The following ATAD2B variants were observed in gnomAD, a reference collection of about 807,000 sequenced individuals.
ATAD2B encodes the protein ATPase family AAA domain-containing protein 2B.
ATAD2B carries 40 observed loss-of-function variants against 167.6 expected under a neutral mutation model. That is an observed-to-expected ratio of 0.24 (90% CI 0.19 to 0.31). ATAD2B has a LOEUF of 0.31. Ranked by LOEUF, ATAD2B falls within the 10% of genes least tolerant of loss-of-function variation. ATAD2B has a pLI of 1.00. For synonymous variants in ATAD2B, 579 were observed against 596.5 expected (o/e 0.97, Z 0.43); for missense variants, 1,242 against 1,757.2 (o/e 0.71, Z 5.24).
chr2:23,757,364 C>T (rs1254280156), intron 25 of ATAD2B, 54 bp downstream of exon 25: 2 of 1,313,288 alleles, frequency 1.5e-6, no homozygotes, highest in Non-Finnish European at 2.1e-6. Context: ...AAATACACAA[C>T]GAATTAACTC....
intron 19 of ATAD2B, 148 bp from the exon 20 acceptor site, chr2:23,788,795 G>A (rs947702968): frequency 1.4e-6 from 1 of 691,660 alleles, no homozygotes; most frequent in African/African-American, 1.8e-5. Flanking sequence ...CTAGTCCTAG[G>A]CTATGCTGTT....
chr2:23,800,988 T>C (rs1044447152), intron 18 of ATAD2B, among the ~76,000 whole-genome samples: 6 of 152,140 alleles, frequency 3.9e-5, no homozygotes, highest in African/African-American at 1.2e-4. Flanking sequence ...AATATTTTTG[T>C]AATTTTTCTC....
intron 1 of ATAD2B, among the ~76,000 whole-genome samples, chr2:23,924,063 G>A (rs987867888): frequency 1.6e-4 from 24 of 151,332 alleles, no homozygotes; most frequent in South Asian, 6.4e-4. Context: ...GGCGCCTGTA[G>A]TCCCAGCTAC....
At chr2:23,690,732 A>G in the ATAD2B span, 1 of 152,238 alleles carries the variant, frequency 6.6e-6, no homozygotes, top group Admixed American at 6.5e-5. Context: ...TCACTTATGT[A>G]TCAGTGTCAC....
At position 23,867,478 on chromosome 2, in the gene ATAD2B, C is replaced by T. The variant is rs566606367; in HGVS notation, c.1188+357G>A. Among the ~76,000 whole-genome samples, 29 of 152,308 alleles carry T rather than the reference C, an allele frequency of 1.9e-4. 1 individual carries two copies. In the South Asian group the frequency reaches 6.0e-3, roughly 32 times the overall value. ...CAACATCCAGTCTCCCTAATGCCAG[C>T]CTTGCTTCCCCCAAATTCATTAACT... On this transcript the variant is annotated intron_variant, in intron 10 of 27. Transcript: ENST00000238789.
chr2:23,897,341 T>G (rs1350409791), intron 1 of ATAD2B, among the ~76,000 whole-genome samples: 1 of 152,238 alleles, frequency 6.6e-6, no homozygotes, highest in African/African-American at 2.4e-5. Flanking sequence ...GTAAAGTAAC[T>G]ATGTTTTCCT....
At chr2:23,693,315 C>T in the ATAD2B span, 5 of 1,549,766 alleles carry the variant, frequency 3.2e-6, no homozygotes, top group East Asian at 4.9e-5. Flanking sequence ...TGGCCATGGC[C>T]GAGGCCATGC....
chr2:23,773,486 C>T (rs539359026), intron 22 of ATAD2B, among the ~76,000 whole-genome samples: 3 of 152,280 alleles, frequency 2.0e-5, no homozygotes, highest in Non-Finnish European at 4.4e-5. Flanking sequence ...CGCACCACTG[C>T]ATTCCAGACT....
rs887084292 is a variant in ATAD2B, at chr2:23,819,842, A to T, written c.2172T>A (p.Asn724Lys). Residue 724 changes from asparagine to lysine, a missense_variant, in exon 17 of 28, where the codon AAT becomes AAA. Asn to Lys is a moderately conservative substitution (Grantham distance 94, BLOSUM62 0). This residue lies in a region of ATAD2B where 145 missense variants were observed against 181.9 expected (regional missense o/e 0.80). Coordinates refer to ENST00000238789, the MANE Select transcript of ATAD2B (RefSeq NM_017552.4). Reference protein sequence around the residue: ...TLILEDSEDENALSIFETNCH... With the variant: ...TLILEDSEDEKALSIFETNCH... The stretch of plus-strand genomic sequence containing the variant: ...AATTGGTCTCAAAAATTGATAAAGC[A>T]TTTTCATCTTCACTATCCTCTAAAA... The T allele has an allele frequency of 8.2e-6, 13 of 1,590,894 alleles. No homozygotes were observed. Among genetic ancestry groups the T allele is most frequent in the Non-Finnish European group, 1.1e-5 (13 of 1,160,110 alleles).
downstream of ATAD2B, among the ~76,000 whole-genome samples, chr2:23,745,427 G>GA (rs1674818931): frequency 6.2e-5 from 4 of 64,828 alleles, no homozygotes; most frequent in Non-Finnish European, 1.2e-4. Flanking sequence ...GAAGGAAAGG[G>GA]AAGGGAAGGG....
chr2:23,822,257 G>A (rs972450024), intron 16 of ATAD2B, among the ~76,000 whole-genome samples: 1 of 152,168 alleles, frequency 6.6e-6, no homozygotes, highest in Admixed American at 6.5e-5. Context: ...TTACCAGGCT[G>A]GGCGCGATGA....
chr2:23,872,735 T>G, intron 8 of ATAD2B: 1 of 1,046,998 alleles, frequency 9.6e-7, no homozygotes, highest in South Asian at 1.3e-5. Context: ...CAGACCCCCA[T>G]AGTGCTGCTC....
intron 18 of ATAD2B, among the ~76,000 whole-genome samples, chr2:23,800,729 A>C (rs946931045): frequency 1.3e-5 from 2 of 152,050 alleles, no homozygotes; most frequent in African/African-American, 4.8e-5. Context: ...CAAAATTAAC[A>C]AATTGAACAT....
chr2:23,715,534 A>G, the ATAD2B span, among the ~76,000 whole-genome samples: 2 of 152,134 alleles, frequency 1.3e-5, no homozygotes, highest in East Asian at 3.8e-4. Context: ...AGATGGCACA[A>G]CTGCACTCCA....
intron 19 of ATAD2B, among the ~76,000 whole-genome samples, chr2:23,792,728 T>C (rs1367153572): frequency 6.6e-6 from 1 of 151,856 alleles, no homozygotes; most frequent in Non-Finnish European, 1.5e-5. Flanking sequence ...TTTGGGAGGC[T>C]GAGGTGGGTG....
chr2:23,802,501 A>C (rs925757387), intron 18 of ATAD2B, among the ~76,000 whole-genome samples: 1 of 152,142 alleles, frequency 6.6e-6, no homozygotes, highest in African/African-American at 2.4e-5. Context: ...GAACTATGGT[A>C]GTAACACAAA....
chr2:23,808,352 A>T (rs1014465039), intron 18 of ATAD2B, among the ~76,000 whole-genome samples: 31 of 151,104 alleles, frequency 2.1e-4, no homozygotes, highest in Admixed American at 1.7e-3. Flanking sequence ...GGCAGAGAGC[A>T]TTCCTGGTGG....
intron 17 of ATAD2B, among the ~76,000 whole-genome samples, chr2:23,815,056 CAAA>C (rs553479769): frequency 5.2e-5 from 4 of 76,518 alleles, no homozygotes; most frequent in Admixed American, 1.4e-4. Context: ...AATCCGTCTC[CAAA>C]AAAAAAAAAA....
chr2:23,865,249 C>T (rs1195570269), intron 10 of ATAD2B, among the ~76,000 whole-genome samples: 1 of 151,994 alleles, frequency 6.6e-6, no homozygotes. Flanking sequence ...TTTTAATGGG[C>T]CTGGCACAGT....
Sources: gnomAD v4.1 joint callset for allele counts (sites outside exome capture counted in the v4.1 genomes callset) on GRCh38, gnomAD v4.1.1 for gene constraint, gnomAD v4.1.1 regional missense constraint, MANE v1.5 for transcripts, NCBI Gene and HGNC (gene_info 2026-07-23, HGNC 2026-07-21) for gene names.